Variants in TRPM3 observed in about 807,000 individuals in gnomAD.
TRPM3 encodes transient receptor potential cation channel subfamily M member 3.
A neutral mutation model predicts 181.2 loss-of-function variants in TRPM3; 77 were observed. That is an observed-to-expected ratio of 0.42 (90% CI 0.35 to 0.51). The LOEUF is 0.51. Ranked by LOEUF, TRPM3 falls within the 20% of genes least tolerant of loss-of-function variation. The pLI, the probability that TRPM3 is intolerant of heterozygous loss-of-function variation, is 0.01. For missense variants in TRPM3, 1,759 were observed against 2,196.7 expected (o/e 0.80, Z 3.98); for synonymous variants, 745 against 796.4 (o/e 0.94, Z 1.09).
At chr9:70,589,195 G>A (rs937498120) in intron 22 of TRPM3, among the ~76,000 whole-genome samples, 3 of 152,116 alleles carry the variant, frequency 2.0e-5, no homozygotes, top group Non-Finnish European at 4.4e-5. Flanking sequence ...GTCTCCAGGG[G>A]GTTTTCAAGT....
At chr9:70,539,985 C>T (rs1414786897) in intron 25 of TRPM3, among the ~76,000 whole-genome samples, 1 of 152,198 alleles carries the variant, frequency 6.6e-6, no homozygotes, top group Non-Finnish European at 1.5e-5. Context: ...TAGGTGAGCA[C>T]CACCATGCCC....
chr9:71,384,153 C>T (rs534227409), intron 1 of TRPM3, among the ~76,000 whole-genome samples: 1 of 152,154 alleles, frequency 6.6e-6, no homozygotes, highest in South Asian at 2.1e-4. Flanking sequence ...ACTTAAATAA[C>T]TCTAGTTGTT....
At chr9:70,943,275 G>A (rs1245090133) in intron 1 of TRPM3, among the ~76,000 whole-genome samples, 1 of 152,130 alleles carries the variant, frequency 6.6e-6, no homozygotes, top group Non-Finnish European at 1.5e-5. Flanking sequence ...GAACTTATAT[G>A]AATTTGACTC....
chr9:71,025,195 CA>C (rs2097884265), intron 1 of TRPM3, among the ~76,000 whole-genome samples: 1 of 152,180 alleles, frequency 6.6e-6, no homozygotes, highest in African/African-American at 2.4e-5. Context: ...AATCACTTTC[CA>C]GCCTCCTTGA....
intron 7 of TRPM3, among the ~76,000 whole-genome samples, chr9:70,769,161 T>C (rs1409965127): frequency 1.3e-5 from 2 of 152,300 alleles, no homozygotes; most frequent in East Asian, 3.9e-4. Context: ...ACAAGCAAGA[T>C]AACATCTCTA....
intron 12 of TRPM3, among the ~76,000 whole-genome samples, chr9:70,628,053 T>C (rs766856857): frequency 6.6e-6 from 1 of 152,200 alleles, no homozygotes; most frequent in Non-Finnish European, 1.5e-5. Context: ...TAAACTGAGT[T>C]TAAAAATAGT....
intron 1 of TRPM3, among the ~76,000 whole-genome samples, chr9:70,885,333 A>C (rs746751632): frequency 6.6e-5 from 10 of 152,136 alleles, no homozygotes; most frequent in Non-Finnish European, 1.5e-4. Context: ...GCCCACCTCC[A>C]GTTGTGACAA....
intron 3 of TRPM3, among the ~76,000 whole-genome samples, chr9:70,861,249 T>C (rs1292628756): frequency 1.3e-5 from 2 of 152,194 alleles, no homozygotes; most frequent in Non-Finnish European, 2.9e-5. Context: ...TTTTCTCTTG[T>C]AATCTATAAA....
In TRPM3 at chr9:70,536,349, C is replaced by T. The variant is rs2041741056; in HGVS notation, c.4764G>A (p.Val1588=). 2.5e-6 allele frequency: 4 copies of T among 1,614,084 alleles called. No individual in the cohort carries two copies. Among genetic ancestry groups the T allele is most frequent in the South Asian group, 1.1e-5 (1 of 91,070 alleles). Residue 1588 remains valine (V), a synonymous_variant, in exon 26 of 26, where the codon GTG becomes GTA. Transcript: ENST00000677713. Reference sequence around the variant, plus strand: ...CTGGATGGCAGCAAGTTAAGTCCTCCACTTTGTCTCCAAGACCTCCAGGGA... The same window carrying T: ...CTGGATGGCAGCAAGTTAAGTCCTCTACTTTGTCTCCAAGACCTCCAGGGA... ...AAFPGGLGDK[V]EDLTCCHPER...
At chr9:70,574,962 A>C (rs528517925) in intron 22 of TRPM3, among the ~76,000 whole-genome samples, 42 of 149,704 alleles carry the variant, frequency 2.8e-4, no homozygotes, top group African/African-American at 9.3e-4. Flanking sequence ...TTTTTTTCCC[A>C]ACAGGGTCTC....
At chr9:71,123,255 C>T (rs2073832917), upstream of TRPM3, among the ~76,000 whole-genome samples, 1 of 152,160 alleles carries the variant, frequency 6.6e-6, no homozygotes, top group African/African-American at 2.4e-5. Context: ...AGAAGAAACG[C>T]TCAGCATTTC....
At chr9:70,540,639 G>A (rs928514992) in intron 25 of TRPM3, among the ~76,000 whole-genome samples, 87 of 152,338 alleles carry the variant, frequency 5.7e-4, no homozygotes, top group African/African-American at 1.8e-3. Flanking sequence ...GTTTGAGAGT[G>A]CAGTGAGCTA....
chr9:71,207,493 T>C (rs1031400681), intron 1 of TRPM3, among the ~76,000 whole-genome samples: 8 of 152,160 alleles, frequency 5.3e-5, no homozygotes, highest in African/African-American at 1.9e-4. Flanking sequence ...TTTGATAGTG[T>C]GTCCCATCAA....
intron 9 of TRPM3, among the ~76,000 whole-genome samples, chr9:70,672,003 C>T (rs1030878866): frequency 6.6e-6 from 1 of 151,578 alleles, no homozygotes; most frequent in African/African-American, 2.4e-5. Flanking sequence ...CTCCTGACCT[C>T]AAATGATCTG....
At chr9:70,843,564 A>C (rs1466530895) in intron 4 of TRPM3, among the ~76,000 whole-genome samples, 1 of 152,234 alleles carries the variant, frequency 6.6e-6, no homozygotes, top group Non-Finnish European at 1.5e-5. Flanking sequence ...AATTCATTCA[A>C]AGACATGAGC....
chr9:71,134,484 A>C (rs1009683412), intron 1 of TRPM3, among the ~76,000 whole-genome samples: 2 of 149,630 alleles, frequency 1.3e-5, no homozygotes, highest in Admixed American at 1.3e-4. Flanking sequence ...CCCACGAGGC[A>C]GAGGTTGCAG....
intron 1 of TRPM3, among the ~76,000 whole-genome samples, chr9:71,268,822 CA>C (rs112198962): frequency 6.6e-6 from 1 of 151,336 alleles, no homozygotes; most frequent in Non-Finnish European, 1.5e-5. Context: ...GCTCCATCTC[CA>C]AAAAAAGTTT....
At chr9:70,618,819 C>A (rs1354492348) in intron 17 of TRPM3, 48 bp downstream of exon 17, 5 of 1,550,040 alleles carry the variant, frequency 3.2e-6, no homozygotes, top group Non-Finnish European at 4.4e-6. Context: ...AAACTCTAAC[C>A]CACCCGCCGG....
rs571657900 is a variant in TRPM3, at chr9:71,010,741, G to A, written c.177+110437C>T. Among the ~76,000 whole-genome samples the A allele has an allele frequency of 7.8e-4, 119 of 152,192 alleles. 3 individuals are homozygous for A. In the South Asian group the frequency reaches 0.024, roughly 31 times the overall value. ...AGCGTTCCACAAAAAATTAAAAATA[G>A]AACTACCATATGATCCAGCAATCCC... On this transcript the variant is annotated intron_variant, in intron 1 of 25. Transcript: ENST00000677713.
Sources: allele counts gnomAD v4.1 joint callset (sites outside exome capture counted in the v4.1 genomes callset), GRCh38; gene constraint gnomAD v4.1.1; transcripts MANE v1.5; gene names NCBI Gene and HGNC (gene_info 2026-07-23, HGNC 2026-07-21).